The following IPO8 variants were observed in gnomAD, a reference collection of about 807,000 sequenced individuals.
The protein encoded by IPO8 is importin-8.
In IPO8, 65 loss-of-function variants were observed where a neutral mutation model predicts 141.2. The ratio of observed to expected loss-of-function variants is 0.46; its 90% CI spans 0.38 to 0.57. The LOEUF (loss-of-function observed/expected upper bound fraction) is 0.57, where lower values mean the gene tolerates loss of function less well. Ranked by LOEUF, IPO8 falls within the 20% of genes least tolerant of loss-of-function variation. The pLI, the probability that IPO8 is intolerant of heterozygous loss-of-function variation, is 0.00. For synonymous variants in IPO8, 411 were observed against 420.3 expected, an observed-to-expected ratio of 0.98 and a Z score of 0.27; for missense variants, 980 against 1,246.8, an observed-to-expected ratio of 0.79 and a Z score of 3.22.
In IPO8 at chr12:30,681,658, C is replaced by T; in HGVS notation, c.482+1G>A. The T allele has an allele frequency of 6.2e-7, 1 of 1,608,426 alleles. No individual in the cohort carries two copies. The highest frequency in any genetic ancestry group is 8.5e-7 in the Non-Finnish European group (1 of 1,177,696). On this transcript the variant is annotated splice_donor_variant, in intron 4 of 24. Transcript: ENST00000256079. LOFTEE classifies it high-confidence loss of function. ...TCTTCAGCCAATGGAAACCAACTTA[C>T]TCATATGTCTTCACCAGTTGATACA...
chr12:30,669,724 C>A lies in IPO8; in HGVS notation c.1045-442G>T, dbSNP rs77924301. The stretch of plus-strand genomic sequence containing the variant: ...AGGGCTGCAGTGAGCCATGATCATG[C>A]CACTGCAGTCCAGCCTGTGCAACAG... On this transcript the variant is annotated intron_variant, in intron 9 of 24. Transcript: ENST00000256079. Among the ~76,000 whole-genome samples the A allele has an allele frequency of 9.9e-5, 15 of 151,480 alleles. No homozygotes were observed. In the East Asian group the frequency reaches 1.7e-3, roughly 18 times the overall value.
chr12:30,657,919 A>G (rs2052824105), intron 16 of IPO8, among the ~76,000 whole-genome samples: 1 of 152,172 alleles, frequency 6.6e-6, no homozygotes, highest in Admixed American at 6.5e-5. Flanking sequence ...AAAAGGAAAA[A>G]AATAGCTGCT....
intron 19 of IPO8, 103 bp downstream of exon 19, chr12:30,652,089 T>C: frequency 3.2e-6 from 2 of 617,312 alleles, no homozygotes; most frequent in East Asian, 5.6e-5. Context: ...ATGAAGATAA[T>C]GCAGAACTAA....
At chr12:30,676,337 C>T (rs745630119) in intron 6 of IPO8, among the ~76,000 whole-genome samples, 161 bp downstream of exon 6, 17 of 152,174 alleles carry the variant, frequency 1.1e-4, no homozygotes, top group Non-Finnish European at 1.9e-4. Context: ...ATTTAAATTG[C>T]TTATCTAAGC....
chr12:30,685,544 C>T (rs976817349), intron 2 of IPO8, among the ~76,000 whole-genome samples: 13 of 151,148 alleles, frequency 8.6e-5, no homozygotes, highest in African/African-American at 2.7e-4. Flanking sequence ...AATACAGATA[C>T]GTGATTTGCA....
rs758792448 is a variant in IPO8 at position 30,684,376 on chromosome 12, T to C, written c.248A>G (p.Asn83Ser). The change falls in exon 3 of 25, where the codon AAC (asparagine) becomes AGC (serine). Residue 83 changes from asparagine to serine, a missense_variant. Transcript: ENST00000256079. The stretch of plus-strand genomic sequence containing the variant: ...TTGCTGGCGATCGTTTTCGTGAATG[T>C]TGAATGGAAATATTGCTTCTCCTGG... The part of the protein sequence containing the change: ...PPPGEAIFPF[N>S]IHENDRQQIR... 2 of 1,614,176 alleles carry C rather than the reference T, an allele frequency of 1.2e-6. No individual in the cohort carries two copies. The highest frequency in any genetic ancestry group is 1.7e-6 in the Non-Finnish European group (2 of 1,180,024).
intron 5 of IPO8, 195 bp from the exon 6 acceptor site, chr12:30,676,782 T>C (rs2053126268): frequency 2.4e-6 from 2 of 828,536 alleles, no homozygotes; most frequent in Non-Finnish European, 3.8e-6. Context: ...TTTAGAAGAC[T>C]ACCTGCCATG....
intron 2 of IPO8, among the ~76,000 whole-genome samples, chr12:30,689,234 T>G (rs2053269602): frequency 6.6e-6 from 1 of 152,164 alleles, no homozygotes; most frequent in Admixed American, 6.5e-5. Context: ...TGTTTCCATG[T>G]CATTAAAGGA....
chr12:30,643,275 C>T (rs1315286673), intron 20 of IPO8, among the ~76,000 whole-genome samples: 1 of 152,174 alleles, frequency 6.6e-6, no homozygotes, highest in Non-Finnish European at 1.5e-5. Flanking sequence ...GCCATTTGCA[C>T]TCTAGCCTGG....
intron 5 of IPO8, among the ~76,000 whole-genome samples, chr12:30,677,803 T>C (rs921538722): frequency 3.9e-5 from 6 of 152,174 alleles, no homozygotes; most frequent in African/African-American, 1.4e-4. Flanking sequence ...TGTTAATATT[T>C]TAAACTAAGT....
chr12:30,684,662 CAT>C (rs2053222418), intron 2 of IPO8, among the ~76,000 whole-genome samples: 1 of 152,162 alleles, frequency 6.6e-6, no homozygotes, highest in South Asian at 2.1e-4. Context: ...AAGCAGAAAA[CAT>C]TTCATTAAGT....
In IPO8 at chr12:30,684,212, T is replaced by G. The variant is rs2053216952; in HGVS notation, c.323+89A>C. ...CTTTACCTCTTTAGAAAATGAAACA[T>G]GAGGCCAAGGATTAGATCCAACAGC... On this transcript the variant is annotated intron_variant, in intron 3 of 24. Transcript: ENST00000256079. 3 of 1,144,258 alleles carry G rather than the reference T, an allele frequency of 2.6e-6. No individual in the cohort carries two copies. In the Admixed American group the frequency reaches 6.9e-5, roughly 26 times the overall value. 70.9% of individuals were successfully genotyped at this position (1,144,258 alleles called of 1,614,324 possible).
Position 30,674,037 on chromosome 12 carries a change from CA to C in IPO8, c.861del (p.Phe287LeufsTer8). 6.3e-7 allele frequency: 1 copy of C among 1,591,978 alleles called. No individual in the cohort carries two copies. On this transcript the variant is annotated frameshift_variant, in exon 8 of 25. Coordinates refer to ENST00000256079, the MANE Select transcript of IPO8 (RefSeq NM_006390.4). LOFTEE classifies it high-confidence loss of function. The stretch of plus-strand genomic sequence containing the variant: ...GTTTTCAAAAAGAATTCAGAAAATT[CA>C]AAGTATTCTTTTGTGACATTTCCTG... ...GSPGNVTKEY[F>X]EFSEFFLKTY...
chr12:30,652,829 G>T, intron 18 of IPO8, 138 bp downstream of exon 18: 2 of 777,042 alleles, frequency 2.6e-6, no homozygotes, highest in Non-Finnish European at 4.0e-6. Flanking sequence ...TGCTACAATA[G>T]CCCCAGCTTT....
At chr12:30,677,179 A>T (rs2053133565) in intron 5 of IPO8, 1 of 906,934 alleles carries the variant, frequency 1.1e-6, no homozygotes, top group African/African-American at 1.6e-5. Flanking sequence ...ACTGGAAAAA[A>T]TGTATATAAA....
At position 30,631,907 on chromosome 12, in the gene IPO8, G is replaced by A. The variant is rs151232989; in HGVS notation, c.3004C>T (p.Arg1002Trp). The A allele has an allele frequency of 3.9e-5, 63 of 1,610,626 alleles. No individual in the cohort carries two copies. In the African/African-American group the frequency reaches 4.8e-4, roughly 12 times the overall value. The change falls in exon 24 of 25, where the codon CGG becomes TGG. Residue 1002 changes from arginine (R) to tryptophan (W), a missense_variant. By Grantham distance (101) the Arg-to-Trp change is moderately radical (BLOSUM62 -3). Coordinates refer to ENST00000256079, the MANE Select transcript of IPO8 (RefSeq NM_006390.4). ...TACTCTGGCTGACCTGCCACCGTCC[G>A]TCGGTGCTCTGCCAGTGTGTACACC... ...QEVYTLAEHRRTVAEAKKKIE... is the reference protein window; with the variant it reads ...QEVYTLAEHRWTVAEAKKKIE...
chr12:30,677,158 C>T, intron 5 of IPO8: 1 of 1,225,528 alleles, frequency 8.2e-7, no homozygotes. Context: ...CCTCACGAAG[C>T]TTACACTCTA....
chr12:30,693,011 C>A (rs1286154270), intron 1 of IPO8, among the ~76,000 whole-genome samples: 1 of 152,206 alleles, frequency 6.6e-6, no homozygotes, highest in Non-Finnish European at 1.5e-5. Context: ...GTGCTATTTA[C>A]ATAAACAAAT....
At chr12:30,652,615 A>C (rs945992993) in intron 18 of IPO8, among the ~76,000 whole-genome samples, 3 of 152,080 alleles carry the variant, frequency 2.0e-5, no homozygotes, top group Non-Finnish European at 4.4e-5. Context: ...CCCCATTAGA[A>C]TGTAAGCTTC....
Sources: gnomAD v4.1 joint callset for allele counts (sites outside exome capture counted in the v4.1 genomes callset) on GRCh38, gnomAD v4.1.1 for gene constraint, MANE v1.5 for transcripts, NCBI Gene and HGNC (gene_info 2026-07-23, HGNC 2026-07-21) for gene names.